The following PPP2R1B variants were observed in gnomAD, a reference collection of about 807,000 sequenced individuals.
PPP2R1B encodes the protein serine/threonine-protein phosphatase 2A 65 kDa regulatory subunit A beta isoform.
A neutral mutation model predicts 72.7 loss-of-function variants in PPP2R1B; 58 were observed. The ratio of observed to expected loss-of-function variants is 0.80; its 90% CI spans 0.65 to 0.99. The LOEUF (loss-of-function observed/expected upper bound fraction) is 0.99, where lower values mean the gene tolerates loss of function less well. PPP2R1B is among the 50% of genes least tolerant of loss of function. PPP2R1B has a pLI of 0.00. For missense variants in PPP2R1B, 695 were observed against 733.6 expected (o/e 0.95, Z 0.61); for synonymous variants, 256 against 264.6 (o/e 0.97, Z 0.32).
chr11:111,696,822 G>A, the PPP2R1B span, among the ~76,000 whole-genome samples: 2 of 152,324 alleles, frequency 1.3e-5, no homozygotes, highest in Admixed American at 6.5e-5. Flanking sequence ...GATGAAGCAT[G>A]AGTATAGTCC....
rs1417323278 is a variant in PPP2R1B, at chr11:111,741,254, C to T, written c.*342G>A. ...CTCCACTCCACGTCTGGGTCCACAC[C>T]CTTCCAGGCTTTGTCTGGAACATTA... is the stretch of plus-strand genomic sequence containing the variant. On this transcript the variant is annotated 3_prime_UTR_variant, in exon 15 of 15. Transcript: ENST00000527614. 9.0e-7 allele frequency: 1 copy of T among 1,105,810 alleles called. No homozygotes were observed. The allele number at this position is 1,105,810 out of a possible 1,614,324, so 68.5% of individuals were successfully genotyped here.
At chr11:111,702,925 C>CTCTT in the PPP2R1B span, among the ~76,000 whole-genome samples, 1 of 151,920 alleles carries the variant, frequency 6.6e-6, no homozygotes, top group Non-Finnish European at 1.5e-5. Context: ...AAACCAAAGT[C>CTCTT]TGTTTCTAGA....
chr11:111,752,244 G>A lies in PPP2R1B; in HGVS notation c.1253C>T (p.Pro418Leu). The A allele has an allele frequency of 6.2e-7, 1 of 1,614,108 alleles. No individual in the cohort carries two copies. Among genetic ancestry groups the A allele is most frequent in the Non-Finnish European group, 8.5e-7 (1 of 1,180,006 alleles). ...GIRQLSQSLL[P>L]AIVELAEDAK... The stretch of plus-strand genomic sequence containing the variant: ...ATCTTCTGCCAGCTCCACTATGGCA[G>A]GAAGGAGAGACTGAGAGAGCTGACG... The change falls in exon 10 of 15, where the codon CCT (proline) becomes CTT (leucine). Residue 418 changes from proline (P) to leucine (L), a missense_variant. Transcript: ENST00000527614.
intron 8 of PPP2R1B, 107 bp downstream of exon 8, chr11:111,754,392 C>T: frequency 7.1e-7 from 1 of 1,406,462 alleles, no homozygotes; most frequent in South Asian, 1.4e-5. Context: ...CATTCCCTGT[C>T]AACCTTTAAA....
chr11:111,714,757 G>T, the PPP2R1B span, among the ~76,000 whole-genome samples: 1 of 152,180 alleles, frequency 6.6e-6, no homozygotes, highest in Admixed American at 6.5e-5. Flanking sequence ...CTCAGTGCGA[G>T]GCTGCCACAA....
intron 11 of PPP2R1B, among the ~76,000 whole-genome samples, chr11:111,744,283 G>A (rs1944627505): frequency 6.6e-6 from 1 of 152,198 alleles, no homozygotes; most frequent in Non-Finnish European, 1.5e-5. Flanking sequence ...GACGTTGACT[G>A]AGAAAGACAA....
intron 10 of PPP2R1B, among the ~76,000 whole-genome samples, chr11:111,748,694 A>G (rs1297090965): frequency 3.9e-5 from 6 of 152,200 alleles, no homozygotes; most frequent in Non-Finnish European, 7.3e-5. Context: ...GAATGCTGTG[A>G]CACACTTTCC....
intron 15 of PPP2R1B, chr11:111,730,532 T>C (rs1431875957): frequency 1.3e-5 from 2 of 152,210 alleles, no homozygotes; most frequent in African/African-American, 4.8e-5. Context: ...TTGCTGGATG[T>C]TTGGTCTGAA....
chr11:111,742,951 C>G (rs773890665), intron 12 of PPP2R1B, among the ~76,000 whole-genome samples: 12 of 151,630 alleles, frequency 7.9e-5, no homozygotes, highest in Non-Finnish European at 1.6e-4. Flanking sequence ...GCGATCTCAG[C>G]TCACTGCAAC....
chr11:111,766,274 C>T lies in PPP2R1B; in HGVS notation c.88G>A (p.Asp30Asn). ...TGCACGTCTTCATTGCGGAGCTCGT[C>T]GATTAAAACCGCGATCGGGTATAGC... The part of the protein sequence containing the change: ...DSLYPIAVLI[D>N]ELRNEDVQLR... The change falls in exon 1 of 15, where the codon GAC becomes AAC. Residue 30 changes from aspartate (D) to asparagine (N), a missense_variant. Asp to Asn is a conservative substitution (Grantham distance 23, BLOSUM62 1). Transcript: ENST00000527614. 1.2e-6 allele frequency: 2 copies of T among 1,613,992 alleles called. No homozygotes were observed. Among genetic ancestry groups the T allele is most frequent in the South Asian group, 2.2e-5 (2 of 91,074 alleles).
Position 111,740,673 on chromosome 11 carries a change from C to A in PPP2R1B, c.*923G>T, listed in dbSNP as rs1944487228. 1.0e-6 allele frequency: 1 copy of A among 985,038 alleles called. No homozygotes were observed. The highest frequency in any genetic ancestry group is 4.7e-5 in the South Asian group (1 of 21,288). The allele number at this position is 985,038 out of a possible 1,614,324, so 61.0% of individuals were successfully genotyped here. On this transcript the variant is annotated 3_prime_UTR_variant, in exon 15 of 15. Transcript: ENST00000527614. The stretch of plus-strand genomic sequence containing the variant: ...TACTAAAAACTTAGCAATAAAACTG[C>A]AGTTTGAAAAGCTACTGTACAATGC...
chr11:111,703,292 A>AT, the PPP2R1B span: 1 of 1,614,200 alleles, frequency 6.2e-7, no homozygotes, highest in Non-Finnish European at 8.5e-7. Flanking sequence ...ATGGATGCTC[A>AT]TAGAAGTTCC....
Position 111,740,277 on chromosome 11 carries a change from G to A in PPP2R1B, c.*1319C>T. On this transcript the variant is annotated 3_prime_UTR_variant, in exon 15 of 15. Coordinates refer to ENST00000527614, the MANE Select transcript of PPP2R1B (RefSeq NM_002716.5). ...CTATGGCCCAGGCTAGAGTGCAGTG[G>A]CGCGATCTCGGCTCAGTGCAACCTC... is the stretch of plus-strand genomic sequence containing the variant. 1.1e-6 allele frequency: 1 copy of A among 949,796 alleles called. No individual in the cohort carries two copies. The highest frequency in any genetic ancestry group is 1.3e-6 in the Non-Finnish European group (1 of 797,552). The allele number at this position is 949,796 out of a possible 1,614,324, so 58.8% of individuals were successfully genotyped here.
intron 11 of PPP2R1B, 35 bp from the exon 12 acceptor site, chr11:111,743,565 C>T (rs1565440661): frequency 1.3e-6 from 2 of 1,575,950 alleles, no homozygotes; most frequent in East Asian, 2.3e-5. Flanking sequence ...TCTCATATCG[C>T]TTATTGTTTT....
chr11:111,758,974 G>A (rs1945228510), intron 5 of PPP2R1B, among the ~76,000 whole-genome samples: 1 of 152,124 alleles, frequency 6.6e-6, no homozygotes, highest in Non-Finnish European at 1.5e-5. Context: ...TACACATGAA[G>A]CGATCTTAGG....
chr11:111,762,927 G>C (rs1555051806), intron 3 of PPP2R1B, among the ~76,000 whole-genome samples: 1 of 152,152 alleles, frequency 6.6e-6, no homozygotes, highest in East Asian at 1.9e-4. Context: ...GTATATTCTA[G>C]CATTGAGGAC....
intron 3 of PPP2R1B, among the ~76,000 whole-genome samples, chr11:111,761,936 G>A (rs531041097): frequency 4.6e-4 from 70 of 152,236 alleles, no homozygotes; most frequent in African/African-American, 1.6e-3. Flanking sequence ...CTTGAGCCTG[G>A]GTGACAGAGT....
At position 111,728,307 on chromosome 11, in the gene PPP2R1B, G is replaced by C. The variant is rs1944044348; in HGVS notation, c.1912-1250C>G. The C allele has an allele frequency of 4.1e-5, 5 of 122,880 alleles. No individual in the cohort carries two copies. In the Admixed American group the frequency reaches 4.1e-4, roughly 10 times the overall value. The allele number at this position is 122,880 out of a possible 1,614,324, so 7.6% of individuals were successfully genotyped here. The stretch of plus-strand genomic sequence containing the variant: ...AATTTATTTAATTTTTTTTTTTTTT[G>C]AGACAGAGTCTCGCTCTGTCACCCA... On this transcript the variant is annotated intron_variant, in intron 15 of 15. Transcript: ENST00000311129.
chr11:111,709,437 G>A, the PPP2R1B span, among the ~76,000 whole-genome samples: 1 of 152,214 alleles, frequency 6.6e-6, no homozygotes, highest in Non-Finnish European at 1.5e-5. Flanking sequence ...GAATAGCAAC[G>A]ATTTTCCCAT....
Sources: allele counts gnomAD v4.1 joint callset (sites outside exome capture counted in the v4.1 genomes callset), GRCh38; gene constraint gnomAD v4.1.1; transcripts MANE v1.5; gene names NCBI Gene and HGNC (gene_info 2026-07-23, HGNC 2026-07-21).